Variants in ANKRD30BL observed in about 807,000 individuals in gnomAD.
ANKRD30BL encodes ankyrin repeat domain 30B like, also known as putative ankyrin repeat domain-containing protein 30B-like.
Under a neutral mutation model 18.4 loss-of-function variants are expected in ANKRD30BL, and 20 were observed. That is an observed-to-expected ratio of 1.09 (90% CI 0.77 to 1.58). The LOEUF (loss-of-function observed/expected upper bound fraction) is 1.58, where lower values mean the gene tolerates loss of function less well. ANKRD30BL is among the 40% of genes most tolerant of loss of function. The pLI is 0.00. For synonymous variants in ANKRD30BL, 72 were observed against 100.9 expected, an observed-to-expected ratio of 0.71 and a Z score of 1.72; for missense variants, 224 against 268.6, an observed-to-expected ratio of 0.83 and a Z score of 1.16.
intron 1 of ANKRD30BL, among the ~76,000 whole-genome samples, chr2:132,179,599 T>G (rs1688426358): frequency 6.6e-6 from 1 of 152,144 alleles, no homozygotes; most frequent in African/African-American, 2.4e-5. Flanking sequence ...CTTTTTATCA[T>G]GTTTTGAGAG....
chr2:132,173,583 C>T (rs1401710519), intron 1 of ANKRD30BL, among the ~76,000 whole-genome samples: 2 of 152,186 alleles, frequency 1.3e-5, no homozygotes, highest in African/African-American at 2.4e-5. Flanking sequence ...AGGTGTGCAT[C>T]GCTCCTGGCC....
chr2:132,231,389 G>T (rs1358303400), intron 1 of ANKRD30BL, among the ~76,000 whole-genome samples: 3 of 152,208 alleles, frequency 2.0e-5, no homozygotes, highest in African/African-American at 7.2e-5. Flanking sequence ...CGTGAGCGAC[G>T]CAGAAGACAG....
At position 132,148,158 on chromosome 2, in the gene ANKRD30BL, G is replaced by A; in HGVS notation, c.750C>T (p.Ser250=). The A allele has an allele frequency of 6.2e-7, 1 of 1,601,316 alleles. No homozygotes were observed. The highest frequency in any genetic ancestry group is 8.5e-7 in the Non-Finnish European group (1 of 1,174,456). ...LAERTPDTAE[S]LVERTPDE ...ATTCATCAGGTGTTCTTTCCACCAA[G>A]CTTTCAGCCGTGTCAGGTGTTCTTT... is the stretch of plus-strand genomic sequence containing the variant. Residue 250 remains serine (S), a synonymous_variant, in exon 6 of 6, where the codon AGC becomes AGT. Coordinates refer to ENST00000409867, the MANE Select transcript of ANKRD30BL (RefSeq NM_001358416.1).
At chr2:132,166,442 G>T, upstream of ANKRD30BL, among the ~76,000 whole-genome samples, 1 of 151,730 alleles carries the variant, frequency 6.6e-6, no homozygotes, top group East Asian at 1.9e-4. Flanking sequence ...GGGGGGTGAG[G>T]GGGGGTTATT....
At chr2:132,197,606 T>C (rs1202714528) in intron 1 of ANKRD30BL, among the ~76,000 whole-genome samples, 3 of 151,924 alleles carry the variant, frequency 2.0e-5, no homozygotes, top group African/African-American at 7.2e-5. Context: ...TTATATATGT[T>C]TCTTATTATC....
At chr2:132,182,612 G>A (rs1688488906) in intron 1 of ANKRD30BL, among the ~76,000 whole-genome samples, 1 of 152,110 alleles carries the variant, frequency 6.6e-6, no homozygotes, top group South Asian at 2.1e-4. Flanking sequence ...AAATAAGTTA[G>A]GGATGGATAC....
At chr2:132,227,072 T>TTC (rs1238937707) in intron 1 of ANKRD30BL, among the ~76,000 whole-genome samples, 1 of 152,040 alleles carries the variant, frequency 6.6e-6, no homozygotes, top group Non-Finnish European at 1.5e-5. Flanking sequence ...TCTCAGAAAA[T>TTC]TCTTTGTGAT....
At chr2:132,173,779 G>T (rs1294896081) in intron 1 of ANKRD30BL, among the ~76,000 whole-genome samples, 2 of 152,010 alleles carry the variant, frequency 1.3e-5, no homozygotes, top group East Asian at 3.9e-4. Context: ...TTATTATTAA[G>T]CTCATTATTA....
chr2:132,216,533 A>T (rs1402620641), intron 1 of ANKRD30BL, among the ~76,000 whole-genome samples: 1 of 152,042 alleles, frequency 6.6e-6, no homozygotes, highest in Admixed American at 6.6e-5. Flanking sequence ...ATCTTCACTT[A>T]AGATCTATAC....
At chr2:132,189,724 C>T (rs1382937241) in intron 1 of ANKRD30BL, among the ~76,000 whole-genome samples, 2 of 152,110 alleles carry the variant, frequency 1.3e-5, no homozygotes, top group African/African-American at 4.8e-5. Flanking sequence ...AGTACCTCTT[C>T]TGCATTCTAC....
Position 132,256,131 on chromosome 2 carries a change from G to C in ANKRD30BL, n.441+1398C>G, listed in dbSNP as rs78325658. ...CGCAGTTTTACTGTACCAGCCCTGC[G>C]TACTTAGACATGTATGGCTTAATCT... On this transcript the variant is annotated intron_variant and non_coding_transcript_variant, in intron 1 of 4. Transcript: ENST00000470729. Among the ~76,000 whole-genome samples the C allele has an allele frequency of 7.2e-5, 11 of 152,350 alleles. No individual in the cohort carries two copies. The East Asian group carries it at 1.4e-3, about 19-fold the overall frequency.
At chr2:132,230,408 C>CT (rs1679976971) in intron 1 of ANKRD30BL, among the ~76,000 whole-genome samples, 1 of 151,904 alleles carries the variant, frequency 6.6e-6, no homozygotes, top group African/African-American at 2.4e-5. Context: ...TTGAAACACT[C>CT]TTTTTGTATT....
chr2:132,200,992 A>T (rs1255733325), intron 1 of ANKRD30BL, among the ~76,000 whole-genome samples: 1 of 152,200 alleles, frequency 6.6e-6, no homozygotes, highest in Admixed American at 6.5e-5. Context: ...ATGATGCCAC[A>T]TATCTACAAC....
intron 1 of ANKRD30BL, among the ~76,000 whole-genome samples, chr2:132,196,098 C>T (rs190095284): frequency 2.3e-4 from 34 of 148,944 alleles, no homozygotes; most frequent in East Asian, 1.6e-3. Flanking sequence ...GCTGAGATCG[C>T]GCCACTGCAC....
At chr2:132,152,727 A>G (rs1439397900) in intron 4 of ANKRD30BL, 7 of 152,182 alleles carry the variant, frequency 4.6e-5, no homozygotes, top group African/African-American at 1.7e-4. Context: ...CATTATTTCA[A>G]CCTGACTTAC....
chr2:132,202,879 G>C (rs1410917715), intron 1 of ANKRD30BL, among the ~76,000 whole-genome samples: 1 of 152,082 alleles, frequency 6.6e-6, no homozygotes, highest in African/African-American at 2.4e-5. Context: ...ATGATGACTT[G>C]AATTGTATCT....
chr2:132,255,156 C>T (rs5028909), intron 1 of ANKRD30BL, among the ~76,000 whole-genome samples: 2 of 152,208 alleles, frequency 1.3e-5, no homozygotes, highest in Admixed American at 6.5e-5. Flanking sequence ...GGTATCTGAT[C>T]GTCTTCGAAC....
At chr2:132,163,649 A>G (rs1346021837), upstream of ANKRD30BL, among the ~76,000 whole-genome samples, 5 of 152,216 alleles carry the variant, frequency 3.3e-5, no homozygotes, top group East Asian at 9.7e-4. Context: ...TGATTATGTG[A>G]TAGGGACCAT....
intron 1 of ANKRD30BL, among the ~76,000 whole-genome samples, chr2:132,177,525 G>C (rs1328832176): frequency 6.6e-6 from 1 of 152,164 alleles, no homozygotes; most frequent in African/African-American, 2.4e-5. Flanking sequence ...CTGAGATTCA[G>C]TCAAGACCTG....
Sources: gnomAD v4.1 joint callset for allele counts (sites outside exome capture counted in the v4.1 genomes callset) on GRCh38, gnomAD v4.1.1 for gene constraint, MANE v1.5 for transcripts, NCBI Gene and HGNC (gene_info 2026-07-23, HGNC 2026-07-21) for gene names.